Variants in SMC3 observed in about 807,000 individuals in gnomAD.
SMC3 encodes structural maintenance of chromosomes protein 3.
A neutral mutation model predicts 171.8 loss-of-function variants in SMC3; 20 were observed. The ratio of observed to expected loss-of-function variants is 0.12; its 90% CI spans 0.08 to 0.17. The LOEUF is 0.17. Among genes scored for constraint, SMC3 ranks in the 10% least tolerant of loss-of-function variants. The pLI is 1.00. For missense variants in SMC3, 543 were observed against 1,420.4 expected (o/e 0.38, Z 9.93); for synonymous variants, 464 against 451.1 (o/e 1.03, Z -0.36).
At position 110,584,166 on chromosome 10, in the gene SMC3, G is replaced by C; in HGVS notation, c.1092-17G>C. The C allele has an allele frequency of 6.2e-7, 1 of 1,610,112 alleles. No individual in the cohort carries two copies. Among genetic ancestry groups the C allele is most frequent in the Non-Finnish European group, 8.5e-7 (1 of 1,176,352 alleles). ...TATTATTCTCCTTTTCATCCCATTT[G>C]CTTCTATTTTGTGTAGATTGGCTCA... is the stretch of plus-strand genomic sequence containing the variant. On this transcript the variant is annotated splice_polypyrimidine_tract_variant and intron_variant, in intron 12 of 28. Coordinates refer to ENST00000361804, the MANE Select transcript of SMC3 (RefSeq NM_005445.4).
At chr10:110,583,249 C>A in intron 10 of SMC3, 135 bp from the exon 11 acceptor site, 1 of 731,974 alleles carries the variant, frequency 1.4e-6, no homozygotes, top group South Asian at 1.7e-5. Context: ...AATGATTACA[C>A]AAGGGAGAGT....
chr10:110,596,040 A>G (rs1407539397), intron 18 of SMC3, among the ~76,000 whole-genome samples: 1 of 149,356 alleles, frequency 6.7e-6, no homozygotes, highest in Non-Finnish European at 1.5e-5. Flanking sequence ...GAGTTCGAGA[A>G]CCGCCTGGGC....
At chr10:110,600,974 G>A (rs760369845) in intron 22 of SMC3, 48 bp from the exon 23 acceptor site, 1 of 1,320,336 alleles carries the variant, frequency 7.6e-7, no homozygotes, top group Non-Finnish European at 1.1e-6. Flanking sequence ...AGAAAATGTT[G>A]GCAGTCATAA....
intron 18 of SMC3, among the ~76,000 whole-genome samples, chr10:110,593,745 T>G (rs534450186): frequency 6.6e-6 from 1 of 152,240 alleles, no homozygotes; most frequent in East Asian, 1.9e-4. Flanking sequence ...CCCAGCACTT[T>G]GGGAGGCTGA....
chr10:110,576,672 G>A (rs1860954872), intron 4 of SMC3, among the ~76,000 whole-genome samples: 1 of 152,108 alleles, frequency 6.6e-6, no homozygotes, highest in African/African-American at 2.4e-5. Context: ...GTTTGAATTT[G>A]TAGCCCAGTA....
rs1861389818 is a variant in SMC3 at position 110,601,735 on chromosome 10, A to G, written c.2743A>G (p.Ile915Val). ...TATGGAAAAAGAACATATGGATGCT[A>G]TAAATCATGATACTAAAGAACTGGA... The part of the protein sequence containing the change: ...KNMEKEHMDA[I>V]NHDTKELEKM... The change falls in exon 24 of 29, where the codon ATA (isoleucine) becomes GTA (valine). Residue 915 changes from isoleucine to valine, a missense_variant. By Grantham distance (29) the Ile-to-Val change is conservative. Around this residue, in one of 8 missense-constraint regions of SMC3, gnomAD observed 81 missense variants for 184.2 expected, o/e 0.44. Coordinates refer to ENST00000361804, the MANE Select transcript of SMC3 (RefSeq NM_005445.4). 1 of 1,613,806 alleles carries G rather than the reference A, an allele frequency of 6.2e-7. No individual in the cohort carries two copies. The highest frequency in any genetic ancestry group is 1.1e-5 in the South Asian group (1 of 91,074).
chr10:110,595,275 G>A (rs1367538822), intron 18 of SMC3, among the ~76,000 whole-genome samples: 1 of 151,932 alleles, frequency 6.6e-6, no homozygotes, highest in Non-Finnish European at 1.5e-5. Flanking sequence ...CACCATGCCC[G>A]GTCTAGATTC....
In SMC3 at chr10:110,568,922, GT is replaced by G; in HGVS notation, c.16-10del. 2 of 1,514,452 alleles carry G rather than the reference GT, an allele frequency of 1.3e-6. No homozygotes were observed. The highest frequency in any genetic ancestry group is 1.8e-6 in the Non-Finnish European group (2 of 1,089,574). 93.8% of individuals were successfully genotyped at this position (1,514,452 alleles called of 1,614,324 possible). A position where few individuals can be genotyped will look rare whatever the true frequency, so the allele number is the denominator to read the frequency against. The stretch of plus-strand genomic sequence containing the variant: ...TTTTGTGGGGTGGGTTCTCAAAAAT[GT>G]TTTTTATTTACTAGGTGATTATCCA... On this transcript the variant is annotated splice_polypyrimidine_tract_variant and intron_variant, in intron 1 of 28. Coordinates refer to ENST00000361804, the MANE Select transcript of SMC3 (RefSeq NM_005445.4).
At chr10:110,583,625 CT>C in intron 11 of SMC3, 77 bp downstream of exon 11, 1 of 1,495,816 alleles carries the variant, frequency 6.7e-7, no homozygotes, top group East Asian at 2.3e-5. Context: ...CTTTCTGTGA[CT>C]GGTGTGTGTT....
At chr10:110,603,828 G>T (rs886109201) in intron 28 of SMC3, among the ~76,000 whole-genome samples, 13 of 152,246 alleles carry the variant, frequency 8.5e-5, no homozygotes, top group African/African-American at 2.6e-4. Context: ...GGGCGCAATG[G>T]CTCATGCCTG....
chr10:110,570,165 A>C (rs1860848477), intron 2 of SMC3, among the ~76,000 whole-genome samples: 1 of 152,142 alleles, frequency 6.6e-6, no homozygotes, highest in African/African-American at 2.4e-5. Context: ...ACATGGCCCC[A>C]TCCTCATGTC....
At position 110,577,830 on chromosome 10, in the gene SMC3, C is replaced by T; in HGVS notation, c.271-5C>T. ...TTAACTGTGGGCTTTTACATTTTTT[C>T]TTAGATCGATAAAGAGGAAGTTTCA... is the stretch of plus-strand genomic sequence containing the variant. On this transcript the variant is annotated splice_polypyrimidine_tract_variant and splice_region_variant and intron_variant, in intron 5 of 28. Coordinates refer to ENST00000361804, the MANE Select transcript of SMC3 (RefSeq NM_005445.4). 6.2e-7 allele frequency: 1 copy of T among 1,601,602 alleles called. No homozygotes were observed. Among genetic ancestry groups the T allele is most frequent in the Non-Finnish European group, 8.5e-7 (1 of 1,169,796 alleles).
At chr10:110,592,594 TGTAAAATTAAAA>T (rs1190747662) in intron 17 of SMC3, among the ~76,000 whole-genome samples, 1 of 152,244 alleles carries the variant, frequency 6.6e-6, no homozygotes, top group African/African-American at 2.4e-5. Flanking sequence ...ATATAAAATA[TGTAAAATTAAAA>T]CATTTTGAGG....
intron 2 of SMC3, among the ~76,000 whole-genome samples, chr10:110,569,813 T>C (rs1415095002): frequency 6.6e-6 from 1 of 152,212 alleles, no homozygotes; most frequent in East Asian, 1.9e-4. Context: ...ATGTAGTCAT[T>C]ATAGATTGCT....
chr10:110,604,545 T>C lies in SMC3; in HGVS notation c.*243T>C, dbSNP rs1861440426. The C allele has an allele frequency of 2.2e-6, 1 of 446,988 alleles. No homozygotes were observed. The highest frequency in any genetic ancestry group is 3.8e-5 in the Admixed American group (1 of 26,414). 27.7% of individuals were successfully genotyped at this position (446,988 alleles called of 1,614,324 possible). A position where few individuals can be genotyped will look rare whatever the true frequency, so the allele number is the denominator to read the frequency against. Reference sequence around the variant, plus strand: ...ATGTTCTGCTCCTATTTTAAATGTTTTGAAACATGCTAAATATTCTTTCCT... The same window carrying C: ...ATGTTCTGCTCCTATTTTAAATGTTCTGAAACATGCTAAATATTCTTTCCT... On this transcript the variant is annotated 3_prime_UTR_variant, in exon 29 of 29. Coordinates refer to ENST00000361804, the MANE Select transcript of SMC3 (RefSeq NM_005445.4).
Position 110,582,075 on chromosome 10 carries a change from G to A in SMC3, c.700G>A (p.Glu234Lys). The A allele has an allele frequency of 1.2e-6, 2 of 1,613,674 alleles. No individual in the cohort carries two copies. The highest frequency in any genetic ancestry group is 1.7e-4 in the Middle Eastern group (1 of 6,058). ...EYTIYNQELN[E>K]TRAKLDELSA... ...TACCATTTACAATCAGGAACTTAAC[G>A]AGACTCGTGCCAAACTTGATGAGGT... Residue 234 changes from glutamate to lysine, a missense_variant, in exon 9 of 29, where the codon GAG becomes AAG. Coordinates refer to ENST00000361804, the MANE Select transcript of SMC3 (RefSeq NM_005445.4).
intron 19 of SMC3, 47 bp from the exon 20 acceptor site, chr10:110,598,092 T>TA (rs1271319836): frequency 9.7e-6 from 15 of 1,547,594 alleles, no homozygotes; most frequent in Admixed American, 1.7e-5. Context: ...ATTAAGAACA[T>TA]ACGATATATT....
At chr10:110,596,292 A>G (rs976722107) in intron 18 of SMC3, 106 bp from the exon 19 acceptor site, 1 of 1,068,108 alleles carries the variant, frequency 9.4e-7, no homozygotes, top group Non-Finnish European at 1.3e-6. Flanking sequence ...ATTACTTTCA[A>G]TTCTCATTAT....
At chr10:110,574,555 T>C (rs983008520) in intron 3 of SMC3, among the ~76,000 whole-genome samples, 6 of 152,182 alleles carry the variant, frequency 3.9e-5, no homozygotes, top group African/African-American at 1.4e-4. Context: ...AATTTGGCAA[T>C]GATGAGAGAA....
Sources: gnomAD v4.1 joint callset for allele counts (sites outside exome capture counted in the v4.1 genomes callset) on GRCh38, gnomAD v4.1.1 for gene constraint, gnomAD v4.1.1 regional missense constraint, MANE v1.5 for transcripts, NCBI Gene and HGNC (gene_info 2026-07-23, HGNC 2026-07-21) for gene names.